The following KCNQ5 variants were observed in gnomAD, a reference collection of about 807,000 sequenced individuals.
KCNQ5 encodes potassium voltage-gated channel subfamily KQT member 5.
Under a neutral mutation model 98.2 loss-of-function variants are expected in KCNQ5, and 30 were observed. The observed-to-expected ratio is 0.31, with a 90% CI of 0.23 to 0.41. KCNQ5 has a LOEUF of 0.41. Among genes scored for constraint, KCNQ5 ranks in the 10% least tolerant of loss-of-function variants. KCNQ5 has a pLI of 1.00. For synonymous variants in KCNQ5, 458 were observed against 449.4 expected (o/e 1.02, Z -0.24); for missense variants, 835 against 1,182.5 (o/e 0.71, Z 4.31).
intron 1 of KCNQ5, among the ~76,000 whole-genome samples, chr6:72,716,833 G>C (rs180726103): frequency 6.6e-6 from 1 of 152,140 alleles, no homozygotes; most frequent in African/African-American, 2.4e-5. Flanking sequence ...ATAAAGTGAC[G>C]TATAAACTTT....
In KCNQ5 at chr6:73,059,917, T is replaced by C. The variant is rs1772705078; in HGVS notation, c.617-17405T>C. On this transcript the variant is annotated intron_variant, in intron 3 of 13. Transcript: ENST00000370398. ...GACCATTTTTTAAATCTAACTTTAA[T>C]TTTTAGAAAGTCCTTATTCAAGCAA... 2.0e-5 allele frequency among the ~76,000 whole-genome samples: 3 copies of C among 152,204 alleles called. No homozygotes were observed. The South Asian group carries it at 6.2e-4, about 31-fold the overall frequency.
intron 1 of KCNQ5, among the ~76,000 whole-genome samples, chr6:72,716,242 A>C (rs1174677617): frequency 6.6e-6 from 1 of 152,228 alleles, no homozygotes; most frequent in East Asian, 1.9e-4. Context: ...TTGATTCTGA[A>C]ATATTTAAAT....
Position 73,125,896 on chromosome 6 carries a change from T to C in KCNQ5, c.1247+1384T>C, listed in dbSNP as rs186195879. The stretch of plus-strand genomic sequence containing the variant: ...TGGAGATATTTCCAGAAAAAAGTCA[T>C]TCTTCCCCACCTAAGAAACGTTTTT... On this transcript the variant is annotated intron_variant, in intron 9 of 13. Transcript: ENST00000370398. 2.6e-3 allele frequency among the ~76,000 whole-genome samples: 401 copies of C among 152,176 alleles called. 1 individual carries two copies. The highest frequency in any genetic ancestry group is 3.7e-3 in the Admixed American group (57 of 15,278).
intron 6 of KCNQ5, among the ~76,000 whole-genome samples, chr6:73,108,251 C>T (rs139896564): frequency 2.0e-5 from 3 of 151,978 alleles, no homozygotes; most frequent in South Asian, 2.1e-4. Context: ...GAAGCCCCAG[C>T]TCCCCTGTGT....
At chr6:72,907,439 G>T (rs968402572) in intron 1 of KCNQ5, among the ~76,000 whole-genome samples, 1 of 152,152 alleles carries the variant, frequency 6.6e-6, no homozygotes, top group African/African-American at 2.4e-5. Flanking sequence ...TATATGGAAT[G>T]TATTTTTGGT....
At chr6:73,070,990 G>A (rs917329396) in intron 3 of KCNQ5, among the ~76,000 whole-genome samples, 2 of 152,072 alleles carry the variant, frequency 1.3e-5, no homozygotes, top group Non-Finnish European at 2.9e-5. Context: ...TATAATCTTG[G>A]TTGGACAAAG....
chr6:73,192,139 G>A lies in KCNQ5; in HGVS notation c.1710-426G>A, dbSNP rs192396667. On this transcript the variant is annotated intron_variant, in intron 12 of 13. Transcript: ENST00000370398. Reference sequence around the variant, plus strand: ...ATGTATCTTCTCCAACTTGAACTCCGAAAGAAAAAGACCATGGCTTTCTTA... The same window carrying A: ...ATGTATCTTCTCCAACTTGAACTCCAAAAGAAAAAGACCATGGCTTTCTTA... Among the ~76,000 whole-genome samples the A allele has an allele frequency of 2.0e-3, 297 of 152,222 alleles. 1 individual carries two copies. The highest frequency in any genetic ancestry group is 6.4e-3 in the Admixed American group (98 of 15,292).
At chr6:73,038,505 T>C (rs1771540180) in intron 2 of KCNQ5, among the ~76,000 whole-genome samples, 1 of 152,132 alleles carries the variant, frequency 6.6e-6, no homozygotes, top group Non-Finnish European at 1.5e-5. Flanking sequence ...TTAAGTTTGT[T>C]GTAAATGCTA....
chr6:73,092,607 G>A (rs1030072695), intron 5 of KCNQ5, among the ~76,000 whole-genome samples: 1 of 152,096 alleles, frequency 6.6e-6, no homozygotes, highest in African/African-American at 2.4e-5. Flanking sequence ...TTTGTTGAGA[G>A]TTTTAACGAT....
At chr6:72,689,323 C>T (rs1158106097) in intron 1 of KCNQ5, among the ~76,000 whole-genome samples, 1 of 152,194 alleles carries the variant, frequency 6.6e-6, no homozygotes, top group African/African-American at 2.4e-5. Flanking sequence ...CTAGCCTTCA[C>T]ACAGAAAAAA....
At chr6:72,994,844 G>T (rs576627384) in intron 1 of KCNQ5, among the ~76,000 whole-genome samples, 3 of 152,166 alleles carry the variant, frequency 2.0e-5, no homozygotes, top group Admixed American at 6.5e-5. Flanking sequence ...TGAAACTGAA[G>T]AACTTTCATT....
chr6:73,129,761 G>A (rs1024394698), intron 9 of KCNQ5: 4 of 1,589,294 alleles, frequency 2.5e-6, no homozygotes, highest in Non-Finnish European at 3.4e-6. Flanking sequence ...GAAATGCTTA[G>A]TAATGTGCTG....
intron 3 of KCNQ5, chr6:73,055,101 C>G: frequency 1.4e-6 from 1 of 732,570 alleles, no homozygotes; most frequent in African/African-American, 1.7e-5. Flanking sequence ...GCCACCATGG[C>G]CACCTACAAA....
intron 1 of KCNQ5, among the ~76,000 whole-genome samples, chr6:72,876,901 A>T (rs938936046): frequency 6.6e-6 from 1 of 152,226 alleles, no homozygotes; most frequent in African/African-American, 2.4e-5. Context: ...ACCTGAGTGT[A>T]CTTTCTTACA....
chr6:73,007,000 G>A (rs760350000), intron 2 of KCNQ5, among the ~76,000 whole-genome samples: 4 of 152,214 alleles, frequency 2.6e-5, no homozygotes, highest in South Asian at 2.1e-4. Context: ...GGGCACCAGC[G>A]TGTTAGGTGC....
intron 1 of KCNQ5, among the ~76,000 whole-genome samples, chr6:72,820,790 A>T (rs1339732688): frequency 6.6e-6 from 1 of 152,148 alleles, no homozygotes; most frequent in African/African-American, 2.4e-5. Context: ...GATCACCAGT[A>T]AAGCCTCAAA....
chr6:73,133,627 A>G lies in KCNQ5; in HGVS notation c.1454A>G (p.Lys485Arg), dbSNP rs139286967. ...CTGCGCCTCAAAAGTTCTCAGCCAA[A>G]ACCAGTGATAGATGGTAAGCCCTGT... is the stretch of plus-strand genomic sequence containing the variant. The part of the protein sequence containing the change: ...PSLRLKSSQP[K>R]PVIDADTALG... The change falls in exon 10 of 14, where the codon AAA becomes AGA. Residue 485 changes from lysine (K) to arginine (R), a missense_variant. Around this residue, in one of 10 missense-constraint regions of KCNQ5, gnomAD observed 146 missense variants for 256.7 expected, o/e 0.57. Transcript: ENST00000370398. 2 of 1,614,082 alleles carry G rather than the reference A, an allele frequency of 1.2e-6. No individual in the cohort carries two copies. Among genetic ancestry groups the G allele is most frequent in the Non-Finnish European group, 1.7e-6 (2 of 1,180,046 alleles).
intron 1 of KCNQ5, among the ~76,000 whole-genome samples, chr6:72,995,557 A>G (rs1054534594): frequency 6.6e-6 from 1 of 152,178 alleles, no homozygotes; most frequent in Admixed American, 6.5e-5. Context: ...GTGCTTTATA[A>G]TATCTTTGAG....
rs1766634478 is a variant in KCNQ5 at position 72,663,534 on chromosome 6, T to A, written c.398+40947T>A. Among the ~76,000 whole-genome samples the A allele has an allele frequency of 2.0e-5, 3 of 152,140 alleles. No individual in the cohort carries two copies. In the South Asian group the frequency reaches 6.2e-4, roughly 32 times the overall value. ...CACACTTCTCTAAAATTAAATGAAGTTTTTTAAAAAGTAATATTCAGATTT... is the reference window on the plus strand; with the variant it reads ...CACACTTCTCTAAAATTAAATGAAGATTTTTAAAAAGTAATATTCAGATTT... On this transcript the variant is annotated intron_variant, in intron 1 of 13. Transcript: ENST00000370398.
Sources: allele counts gnomAD v4.1 joint callset (sites outside exome capture counted in the v4.1 genomes callset), GRCh38; gene constraint gnomAD v4.1.1; regional missense constraint gnomAD v4.1.1; transcripts MANE v1.5; gene names NCBI Gene and HGNC (gene_info 2026-07-23, HGNC 2026-07-21).